Variants in RBFOX3 observed in about 807,000 individuals in gnomAD.
The protein encoded by RBFOX3 is RNA binding protein fox-1 homolog 3.
RBFOX3 carries 17 observed loss-of-function variants against 48.7 expected under a neutral mutation model. The observed-to-expected ratio is 0.35, with a 90% CI of 0.24 to 0.52. The LOEUF (loss-of-function observed/expected upper bound fraction) is 0.52, where lower values mean the gene tolerates loss of function less well. RBFOX3 is among the 20% of genes least tolerant of loss of function. The pLI is 0.94. For missense variants in RBFOX3, 382 were observed against 497.5 expected (o/e 0.77, Z 2.21); for synonymous variants, 212 against 209.5 (o/e 1.01, Z -0.10).
intron 4 of RBFOX3, among the ~76,000 whole-genome samples, chr17:79,143,077 C>T (rs1472548391): frequency 1.3e-5 from 2 of 152,182 alleles, no homozygotes; most frequent in African/African-American, 2.4e-5. Context: ...AGGGGACTCA[C>T]AGCAGGCTGC....
chr17:79,599,800 C>T (rs1268569780), intron 1 of RBFOX3: 2 of 152,240 alleles, frequency 1.3e-5, no homozygotes, highest in African/African-American at 2.4e-5. Flanking sequence ...TGGGCTGAGT[C>T]ACAGCAAATG....
chr17:79,628,960 C>G, the RBFOX3 span, among the ~76,000 whole-genome samples: 58,984 of 151,812 alleles, frequency 0.39, 12,130 homozygotes, highest in African/African-American at 0.51. Context: ...CTTCGTGATC[C>G]ACTTTGCTAT....
intron 2 of RBFOX3, among the ~76,000 whole-genome samples, chr17:79,350,514 A>C (rs1345671595): frequency 6.6e-6 from 1 of 152,210 alleles, no homozygotes; most frequent in Admixed American, 6.5e-5. Flanking sequence ...GTCTAGGATT[A>C]TCCTGATTTT....
intron 4 of RBFOX3, among the ~76,000 whole-genome samples, chr17:79,160,994 A>C (rs910645475): frequency 2.6e-5 from 4 of 152,174 alleles, no homozygotes; most frequent in East Asian, 1.9e-4. Context: ...AAAAAAAAAA[A>C]AAACAAAAAA....
At chr17:79,123,065 G>A (rs569267406) in intron 4 of RBFOX3, among the ~76,000 whole-genome samples, 1 of 152,230 alleles carries the variant, frequency 6.6e-6, no homozygotes, top group East Asian at 1.9e-4. Context: ...GGAAAGACGA[G>A]GGGGGTGTGG....
chr17:79,290,902 G>T (rs1276204625), intron 3 of RBFOX3, among the ~76,000 whole-genome samples: 1 of 152,204 alleles, frequency 6.6e-6, no homozygotes, highest in Admixed American at 6.5e-5. Context: ...CTGTGTGCTT[G>T]GATTGGAATC....
the RBFOX3 span, among the ~76,000 whole-genome samples, chr17:79,624,653 C>A: frequency 6.6e-6 from 1 of 152,176 alleles, no homozygotes. Context: ...TTCTCGGGAC[C>A]TGCTTCTCTT....
chr17:79,597,013 G>A (rs1470550979), intron 1 of RBFOX3, among the ~76,000 whole-genome samples: 1 of 152,118 alleles, frequency 6.6e-6, no homozygotes, highest in African/African-American at 2.4e-5. Context: ...CTAGGACACT[G>A]CAAGAGAAAT....
At chr17:79,177,995 C>T (rs945149913) in intron 4 of RBFOX3, among the ~76,000 whole-genome samples, 5 of 152,120 alleles carry the variant, frequency 3.3e-5, no homozygotes, top group Admixed American at 6.5e-5. Flanking sequence ...CTGCTGGCTG[C>T]GCACAGCCCA....
intron 2 of RBFOX3, among the ~76,000 whole-genome samples, chr17:79,308,669 TG>T (rs960866172): frequency 3.3e-5 from 5 of 151,948 alleles, no homozygotes; most frequent in African/African-American, 1.2e-4. Context: ...GTCATGAGGG[TG>T]GGGCTGTCTG....
chr17:79,430,632 G>A (rs932407758), intron 2 of RBFOX3, among the ~76,000 whole-genome samples: 13 of 152,318 alleles, frequency 8.5e-5, no homozygotes, highest in Non-Finnish European at 1.2e-4. Flanking sequence ...TGCAACCACC[G>A]CCTCCGGGTT....
At chr17:79,417,129 G>A (rs1025624563) in intron 2 of RBFOX3, among the ~76,000 whole-genome samples, 6 of 152,220 alleles carry the variant, frequency 3.9e-5, no homozygotes, top group Admixed American at 2.6e-4. Context: ...TGCCAGGATG[G>A]CAGGAAAGGG....
At chr17:79,102,598 T>C (rs552135534) in intron 8 of RBFOX3, among the ~76,000 whole-genome samples, 7 of 152,304 alleles carry the variant, frequency 4.6e-5, no homozygotes, top group African/African-American at 1.7e-4. Context: ...CAGAGCGGGA[T>C]GGGTGTCAGG....
intron 4 of RBFOX3, among the ~76,000 whole-genome samples, chr17:79,145,566 G>A (rs961505634): frequency 6.6e-6 from 1 of 152,202 alleles, no homozygotes; most frequent in East Asian, 1.9e-4. Flanking sequence ...CTGAGAGGGG[G>A]CCCCGCCCCA....
At chr17:79,309,989 T>C (rs2076620545) in intron 2 of RBFOX3, among the ~76,000 whole-genome samples, 1 of 152,176 alleles carries the variant, frequency 6.6e-6, no homozygotes, top group African/African-American at 2.4e-5. Context: ...TTGTCTTCAT[T>C]TGTGCACAAC....
At chr17:79,167,148 C>T (rs960545108) in intron 4 of RBFOX3, among the ~76,000 whole-genome samples, 2 of 152,172 alleles carry the variant, frequency 1.3e-5, no homozygotes, top group Admixed American at 6.5e-5. Flanking sequence ...ATGGGAAGAT[C>T]GATCATATCC....
At position 79,090,999 on chromosome 17, in the gene RBFOX3, A is replaced by G. The variant is rs143584737; in HGVS notation, c.1078-114T>C. 3.6e-3 allele frequency: 3,671 copies of G among 1,032,282 alleles called. 105 individuals are homozygous for G. The East Asian group carries it at 0.06, about 17-fold the overall frequency. 63.9% of individuals were successfully genotyped at this position (1,032,282 alleles called of 1,614,324 possible). On this transcript the variant is annotated intron_variant, in intron 14 of 14. Transcript: ENST00000693108. ...CCTGGCCTAAAGTCCTGGCGCCGCC[A>G]CACCTGCCCCCCAGGTTTCCAGGAC... is the stretch of plus-strand genomic sequence containing the variant.
Position 79,125,220 on chromosome 17 carries a change from GTGGC to G in RBFOX3, c.-33-9476_-33-9473del, listed in dbSNP as rs201231634. ...GTGGGGCCCTGAGCAGGTTGGGGCT[GTGGC>G]TGGCTGTCTGAGCCACAGGGCCTCG... On this transcript the variant is annotated intron_variant, in intron 4 of 14. Coordinates refer to ENST00000693108, the MANE Select transcript of RBFOX3 (RefSeq NM_001350451.2). 5.4e-3 allele frequency among the ~76,000 whole-genome samples: 820 copies of G among 152,350 alleles called. 4 individuals carry two copies. The highest frequency in any genetic ancestry group is 0.019 in the African/African-American group (774 of 41,584).
chr17:79,409,988 A>G (rs1184949418), intron 2 of RBFOX3, among the ~76,000 whole-genome samples: 1 of 152,244 alleles, frequency 6.6e-6, no homozygotes, highest in East Asian at 1.9e-4. Flanking sequence ...TGGAATGCAG[A>G]CAATGCGAAT....
Sources: gnomAD v4.1 joint callset for allele counts (sites outside exome capture counted in the v4.1 genomes callset) on GRCh38, gnomAD v4.1.1 for gene constraint, MANE v1.5 for transcripts, NCBI Gene and HGNC (gene_info 2026-07-23, HGNC 2026-07-21) for gene names.